GABRG3: variants seen among roughly 807,000 people sequenced by gnomAD.
The protein encoded by GABRG3 is gamma-aminobutyric acid receptor subunit gamma-3.
A neutral mutation model predicts 48.8 loss-of-function variants in GABRG3; 25 were observed. The observed-to-expected ratio is 0.51, with a 90% CI of 0.37 to 0.72. The LOEUF is 0.72. Ranked by LOEUF, GABRG3 falls within the 30% of genes least tolerant of loss-of-function variation. The probability of loss-of-function intolerance (pLI) is 0.00; values close to 1 mark genes in which losing one functional copy is unlikely to be tolerated. For missense variants in GABRG3, 394 were observed against 577.9 expected (o/e 0.68, Z 3.26); for synonymous variants, 227 against 217.6 (o/e 1.04, Z -0.38).
chr15:27,008,910 A>G (rs1439265169), intron 2 of GABRG3, among the ~76,000 whole-genome samples: 1 of 152,110 alleles, frequency 6.6e-6, no homozygotes, highest in Non-Finnish European at 1.5e-5. Context: ...AAAATCCAGC[A>G]TCTGTTCCCA....
chr15:27,350,386 T>C (rs559598357), intron 5 of GABRG3: 1 of 315,968 alleles, frequency 3.2e-6, no homozygotes, highest in African/African-American at 2.2e-5. Flanking sequence ...GAATTAAAAG[T>C]TCAAAATCAA....
At chr15:26,979,501 A>G (rs1174808216) in intron 2 of GABRG3, among the ~76,000 whole-genome samples, 2 of 152,176 alleles carry the variant, frequency 1.3e-5, no homozygotes, top group Non-Finnish European at 2.9e-5. Context: ...TTCTTTATCC[A>G]GTTGAGAAAG....
At chr15:27,186,176 C>T (rs1248035923) in intron 3 of GABRG3, among the ~76,000 whole-genome samples, 1 of 151,980 alleles carries the variant, frequency 6.6e-6, no homozygotes, top group Non-Finnish European at 1.5e-5. Flanking sequence ...TTGGCCTGCT[C>T]CCTCTTTCCT....
At chr15:27,140,806 T>C (rs911783548) in intron 3 of GABRG3, among the ~76,000 whole-genome samples, 2 of 152,200 alleles carry the variant, frequency 1.3e-5, no homozygotes, top group Non-Finnish European at 2.9e-5. Flanking sequence ...TTCTGCGCTG[T>C]ATGTTGTTTA....
chr15:27,471,274 G>A (rs1889780962), intron 5 of GABRG3, among the ~76,000 whole-genome samples: 1 of 152,178 alleles, frequency 6.6e-6, no homozygotes, highest in Non-Finnish European at 1.5e-5. Flanking sequence ...TCCCAGTGGA[G>A]TCATCCAGGC....
chr15:26,996,199 A>C (rs1331597602), intron 2 of GABRG3, among the ~76,000 whole-genome samples: 1 of 152,134 alleles, frequency 6.6e-6, no homozygotes, highest in South Asian at 2.1e-4. Context: ...TATCTTTATT[A>C]GGGCTTTTTG....
intron 5 of GABRG3, among the ~76,000 whole-genome samples, chr15:27,387,190 G>A (rs1211084475): frequency 6.6e-6 from 1 of 151,514 alleles, no homozygotes; most frequent in East Asian, 1.9e-4. Flanking sequence ...TGTTAGACAA[G>A]GCTACCATGT....
At chr15:27,318,807 C>CA (rs1893320637) in intron 3 of GABRG3, among the ~76,000 whole-genome samples, 1 of 152,080 alleles carries the variant, frequency 6.6e-6, no homozygotes, top group Non-Finnish European at 1.5e-5. Context: ...TCTAAGGGTC[C>CA]AAGGCAAGCC....
chr15:27,523,810 A>G (rs958095817), intron 7 of GABRG3, among the ~76,000 whole-genome samples: 7 of 151,914 alleles, frequency 4.6e-5, no homozygotes, highest in Non-Finnish European at 8.8e-5. Flanking sequence ...AAATTTACCA[A>G]TCTGAGCAAC....
At chr15:27,524,913 A>G (rs561701537) in intron 7 of GABRG3, among the ~76,000 whole-genome samples, 2 of 152,342 alleles carry the variant, frequency 1.3e-5, no homozygotes, top group East Asian at 3.9e-4. Flanking sequence ...AAAAAAGCAG[A>G]AATTAGCAGA....
chr15:27,416,650 A>T (rs1371645769), intron 5 of GABRG3, among the ~76,000 whole-genome samples: 1 of 152,084 alleles, frequency 6.6e-6, no homozygotes, highest in African/African-American at 2.4e-5. Context: ...AATCTGCCAC[A>T]CTGAGCCTCC....
intron 3 of GABRG3, among the ~76,000 whole-genome samples, chr15:27,118,951 T>G (rs927906360): frequency 6.6e-6 from 1 of 152,204 alleles, no homozygotes; most frequent in African/African-American, 2.4e-5. Context: ...CCGTGGCCTT[T>G]GAGGGAACAA....
chr15:27,266,674 T>C (rs536736158), intron 3 of GABRG3, among the ~76,000 whole-genome samples: 1 of 152,348 alleles, frequency 6.6e-6, no homozygotes, highest in Admixed American at 6.5e-5. Flanking sequence ...AGTCTATTCC[T>C]CCATTTATTC....
intron 6 of GABRG3, among the ~76,000 whole-genome samples, chr15:27,498,810 G>A (rs1325734621): frequency 1.3e-5 from 2 of 152,142 alleles, no homozygotes; most frequent in African/African-American, 4.8e-5. Flanking sequence ...CCGGCCAGAT[G>A]TGGGTTCATC....
At chr15:27,384,493 A>C (rs1895865179) in intron 5 of GABRG3, among the ~76,000 whole-genome samples, 1 of 152,218 alleles carries the variant, frequency 6.6e-6, no homozygotes, top group South Asian at 2.1e-4. Flanking sequence ...TGAAATACAC[A>C]CGCACACACA....
At chr15:27,210,775 T>C (rs1012072380) in intron 3 of GABRG3, among the ~76,000 whole-genome samples, 1 of 152,164 alleles carries the variant, frequency 6.6e-6, no homozygotes, top group African/African-American at 2.4e-5. Flanking sequence ...CAGGCCCCTT[T>C]GGGGACACAG....
At chr15:27,162,363 T>C (rs144470097) in intron 3 of GABRG3, among the ~76,000 whole-genome samples, 2 of 152,230 alleles carry the variant, frequency 1.3e-5, no homozygotes, top group Non-Finnish European at 2.9e-5. Flanking sequence ...ACTGAAATCA[T>C]GGTAAGGTAT....
intron 3 of GABRG3, among the ~76,000 whole-genome samples, chr15:27,268,835 G>C (rs931922758): frequency 2.0e-5 from 3 of 152,086 alleles, no homozygotes; most frequent in Non-Finnish European, 4.4e-5. Flanking sequence ...ACCTCAAGGA[G>C]TCCTCTTGGC....
chr15:27,001,624 C>T (rs1037396115), intron 2 of GABRG3, among the ~76,000 whole-genome samples: 2 of 152,160 alleles, frequency 1.3e-5, no homozygotes, highest in African/African-American at 4.8e-5. Flanking sequence ...TTTATTAGGT[C>T]GTGTTTGTCA....
Sources: allele counts gnomAD v4.1 joint callset (sites outside exome capture counted in the v4.1 genomes callset), GRCh38; gene constraint gnomAD v4.1.1; transcripts MANE v1.5; gene names NCBI Gene and HGNC (gene_info 2026-07-23, HGNC 2026-07-21).